Variants in PCDHGA5 observed in about 807,000 individuals in gnomAD.
PCDHGA5 encodes protocadherin gamma subfamily A, 5, also known as protocadherin gamma-A5.
In PCDHGA5, 36 loss-of-function variants were observed where a neutral mutation model predicts 56.7. That is an observed-to-expected ratio of 0.64 (90% CI 0.49 to 0.84). The LOEUF is 0.84. Among genes scored for constraint, PCDHGA5 ranks in the 40% least tolerant of loss-of-function variants. PCDHGA5 has a pLI of 0.00. For missense variants in PCDHGA5, 1,305 were observed against 1,201.5 expected (o/e 1.09, Z -1.27); for synonymous variants, 563 against 520.2 (o/e 1.08, Z -1.12).
intron 1 of PCDHGA5, chr5:141,419,343 A>G: frequency 6.2e-7 from 1 of 1,613,806 alleles, no homozygotes; most frequent in East Asian, 2.2e-5. Flanking sequence ...ATTGCCAGCG[A>G]CCTGGAGTCA....
rs1355278714 is a variant in PCDHGA5 at position 141,398,651 on chromosome 5, A to G, written c.2421+31900A>G. 10 of 1,613,998 alleles carry G rather than the reference A, an allele frequency of 6.2e-6. No homozygotes were observed. The South Asian group carries it at 1.1e-4, about 18-fold the overall frequency. On this transcript the variant is annotated intron_variant, in intron 1 of 3. Coordinates refer to ENST00000518069, the MANE Select transcript of PCDHGA5 (RefSeq NM_018918.3). ...CTGCAGAAGTATAAACTCTCTCTTA[A>G]CCCAAGTTTCTCATTAATAATTAAG... is the stretch of plus-strand genomic sequence containing the variant.
Position 141,418,795 on chromosome 5 carries a change from A to G in PCDHGA5, c.2421+52044A>G, listed in dbSNP as rs373690093. The G allele has an allele frequency of 6.8e-6, 11 of 1,613,740 alleles. No homozygotes were observed. The African/African-American group carries it at 1.5e-4, about 22-fold the overall frequency. On this transcript the variant is annotated intron_variant, in intron 1 of 3. Transcript: ENST00000518069. Reference sequence around the variant, plus strand: ...AGCAGCCTTTGGATTTTGAAGAAGTAGAAAGATATACGATAAACATAGAAG... The same window carrying G: ...AGCAGCCTTTGGATTTTGAAGAAGTGGAAAGATATACGATAAACATAGAAG...
At chr5:141,449,737 A>T (rs1174103155) in intron 1 of PCDHGA5, among the ~76,000 whole-genome samples, 3 of 151,666 alleles carry the variant, frequency 2.0e-5, no homozygotes, top group Non-Finnish European at 4.4e-5. Flanking sequence ...TTTTTATGAC[A>T]TGATTATTTT....
At chr5:141,449,022 A>G (rs2154562454) in intron 1 of PCDHGA5, among the ~76,000 whole-genome samples, 1 of 152,312 alleles carries the variant, frequency 6.6e-6, no homozygotes, top group Admixed American at 6.5e-5. Context: ...GTTGCTTAGC[A>G]TTCCTTTGGA....
intron 3 of PCDHGA5, 59 bp from the exon 4 acceptor site, chr5:141,510,888 A>C (rs2099883233): frequency 6.2e-7 from 1 of 1,612,646 alleles, no homozygotes. Flanking sequence ...GGGATATAAG[A>C]CAGTGACTGT....
intron 1 of PCDHGA5, chr5:141,409,205 A>C (rs766592481): frequency 1.2e-6 from 2 of 1,614,068 alleles, no homozygotes; most frequent in Non-Finnish European, 1.7e-6. Flanking sequence ...TAAAGTAATC[A>C]TAGAAATCCT....
At chr5:141,503,363 G>A (rs2099819478) in intron 2 of PCDHGA5, among the ~76,000 whole-genome samples, 2 of 152,132 alleles carry the variant, frequency 1.3e-5, no homozygotes, top group East Asian at 1.9e-4. Context: ...TTGGGAAGCG[G>A]AGGCAGGTGG....
Position 141,432,794 on chromosome 5 carries a change from G to C in PCDHGA5, c.2422-62013G>C. 3 of 1,614,138 alleles carry C rather than the reference G, an allele frequency of 1.9e-6. No homozygotes were observed. The highest frequency in any genetic ancestry group is 1.7e-5 in the Admixed American group (1 of 60,026). ...AGTCCTGGCGGACCTCGGCAGCCTC[G>C]AGTCTCCAGCTAACTCTGAAACCTC... On this transcript the variant is annotated intron_variant, in intron 1 of 3. Coordinates refer to ENST00000518069, the MANE Select transcript of PCDHGA5 (RefSeq NM_018918.3). The surrounding 1 kb of genome is among the most constrained non-coding windows in gnomAD (Gnocchi z 6.0).
At chr5:141,450,033 G>T (rs1377962229) in intron 1 of PCDHGA5, among the ~76,000 whole-genome samples, 2 of 131,450 alleles carry the variant, frequency 1.5e-5, no homozygotes, top group Admixed American at 8.4e-5. Flanking sequence ...TTGAGACAGG[G>T]TCTCACTCTT....
chr5:141,470,855 G>A (rs2099242095), intron 1 of PCDHGA5, among the ~76,000 whole-genome samples: 3 of 151,856 alleles, frequency 2.0e-5, no homozygotes, highest in Admixed American at 2.0e-4. Context: ...GCTCAGATAA[G>A]TTTTTTGTTT....
chr5:141,450,310 G>A (rs1364358879), intron 1 of PCDHGA5, among the ~76,000 whole-genome samples: 1 of 151,966 alleles, frequency 6.6e-6, no homozygotes, highest in Non-Finnish European at 1.5e-5. Context: ...ACCATGTGTG[G>A]CCTAGTTGCC....
intron 1 of PCDHGA5, chr5:141,400,548 T>C: frequency 6.2e-7 from 1 of 1,613,656 alleles, no homozygotes; most frequent in South Asian, 1.1e-5. Context: ...ATGTCTATTC[T>C]TTTTCATTAC....
intron 1 of PCDHGA5, chr5:141,404,186 C>T (rs767632448): frequency 3.1e-6 from 5 of 1,613,084 alleles, no homozygotes; most frequent in Non-Finnish European, 4.2e-6. Flanking sequence ...AATTCTTGAC[C>T]GAGAAAAAGC....
chr5:141,397,284 C>G (rs185201660), intron 1 of PCDHGA5, among the ~76,000 whole-genome samples: 47 of 152,188 alleles, frequency 3.1e-4, no homozygotes, highest in African/African-American at 1.1e-3. Context: ...GGGCAGTATA[C>G]TTGAATGAAT....
intron 1 of PCDHGA5, among the ~76,000 whole-genome samples, chr5:141,424,888 G>C (rs2096846233): frequency 6.6e-6 from 1 of 152,178 alleles, no homozygotes; most frequent in Non-Finnish European, 1.5e-5. Context: ...GACTTATCTA[G>C]GGTTTTTGAT....
At chr5:141,428,307 C>T (rs759382004) in intron 1 of PCDHGA5, 5 of 688,034 alleles carry the variant, frequency 7.3e-6, no homozygotes, top group Non-Finnish European at 5.1e-6. Flanking sequence ...TTTACCTGGT[C>T]GTGGCCTTGG....
chr5:141,482,350 G>A lies in PCDHGA5; in HGVS notation c.2422-12457G>A, dbSNP rs184055854. ...AGAATATCTACTTTGCAAACTTGTT[G>A]TGAGAGTGAAAAGTAATGCATATAA... On this transcript the variant is annotated intron_variant, in intron 1 of 3. Coordinates refer to ENST00000518069, the MANE Select transcript of PCDHGA5 (RefSeq NM_018918.3). Among the ~76,000 whole-genome samples the A allele has an allele frequency of 5.3e-5, 8 of 152,200 alleles. No individual in the cohort carries two copies. In the East Asian group the frequency reaches 1.4e-3, roughly 26 times the overall value.
rs2094321391 is a variant in PCDHGA5, at chr5:141,402,912, G to GCTTCATCA, written c.2421+36162_2421+36163insTTCATCAC. ...AAGAAAGAACCTGATGAAGCAGCGCGCACAGAGATCCTTTTGAGAAAATTC... is the reference window on the plus strand; with the variant it reads ...AAGAAAGAACCTGATGAAGCAGCGCGCTTCATCACACAGAGATCCTTTTGAGAAAATTC... On this transcript the variant is annotated intron_variant, in intron 1 of 3. Coordinates refer to ENST00000518069, the MANE Select transcript of PCDHGA5 (RefSeq NM_018918.3). 6 of 1,553,880 alleles carry GCTTCATCA rather than the reference G, an allele frequency of 3.9e-6. No individual in the cohort carries two copies. In the African/African-American group the frequency reaches 8.2e-5, roughly 21 times the overall value.
chr5:141,400,780 T>C, intron 1 of PCDHGA5: 1 of 566,270 alleles, frequency 1.8e-6, no homozygotes, highest in Non-Finnish European at 3.1e-6. Context: ...TGGTGCGTTT[T>C]TTTGTCCTCT....
Sources: gnomAD v4.1 joint callset for allele counts (sites outside exome capture counted in the v4.1 genomes callset) on GRCh38, gnomAD v4.1.1 for gene constraint, Gnocchi (gnomAD v3.1) non-coding constraint, MANE v1.5 for transcripts, NCBI Gene and HGNC (gene_info 2026-07-23, HGNC 2026-07-21) for gene names.